CYC1: variants seen among roughly 807,000 people sequenced by gnomAD.
CYC1 encodes the protein cytochrome c1, heme protein, mitochondrial.
In CYC1, 10 loss-of-function variants were observed where a neutral mutation model predicts 33.8. The ratio of observed to expected loss-of-function variants is 0.30; its 90% CI spans 0.18 to 0.50. The LOEUF is 0.50. CYC1 is among the 20% of genes least tolerant of loss of function. The pLI is 0.98. For synonymous variants in CYC1, 224 were observed against 181.9 expected (o/e 1.23, Z -1.86); for missense variants, 459 against 437.6 (o/e 1.05, Z -0.44).
chr8:144,095,473 TG>T (rs1052512769), intron 1 of CYC1: 1 of 435,968 alleles, frequency 2.3e-6, no homozygotes, highest in African/African-American at 2.1e-5. Context: ...GTGGCGGGGC[TG>T]GGGCTTTCCC....
chr8:144,096,479 A>G lies in CYC1; in HGVS notation c.596A>G (p.Tyr199Cys). 6.2e-7 allele frequency: 1 copy of G among 1,614,138 alleles called. No individual in the cohort carries two copies. The highest frequency in any genetic ancestry group is 8.5e-7 in the Non-Finnish European group (1 of 1,180,014). Reference protein sequence around the residue: ...NNGALPPDLSYIVRARHGGED... With the variant: ...NNGALPPDLSCIVRARHGGED... Reference sequence around the variant, plus strand: ...GGAGCATTGCCCCCTGACCTCAGCTACATCGTGCGAGCTAGGTACACGGGC... The same window carrying G: ...GGAGCATTGCCCCCTGACCTCAGCTGCATCGTGCGAGCTAGGTACACGGGC... Residue 199 changes from tyrosine (Y) to cysteine (C), a missense_variant, in exon 4 of 7, where the codon TAC (tyrosine) becomes TGC (cysteine). Transcript: ENST00000318911.
chr8:144,095,671 G>C, intron 1 of CYC1, 162 bp from the exon 2 acceptor site: 1 of 720,712 alleles, frequency 1.4e-6, no homozygotes, highest in Non-Finnish European at 2.3e-6. Context: ...TCACGGTCTA[G>C]GGGTCAGCGG....
chr8:144,095,322 G>T (rs1476508977), intron 1 of CYC1, 94 bp downstream of exon 1: 2 of 1,088,812 alleles, frequency 1.8e-6, no homozygotes, highest in African/African-American at 1.6e-5. Context: ...GGGCAGCGCG[G>T]AAGCGGTACC....
In CYC1 at chr8:144,095,915, G is replaced by T; in HGVS notation, c.212G>T (p.Gly71Val). The T allele has an allele frequency of 6.2e-7, 1 of 1,609,386 alleles. No homozygotes were observed. Residue 71 changes from glycine to valine, a missense_variant, in exon 2 of 7, where the codon GGT (glycine) becomes GTT (valine). Physicochemically the swap from Gly to Val is moderately radical, Grantham distance 109. Transcript: ENST00000318911. ...GCGCTGGGCATGCTGGCGGCAGGGG[G>T]TGCGGGGCTGGCCATGGCTCTGCAT... is the stretch of plus-strand genomic sequence containing the variant. ...LSALGMLAAGGAGLAMALHSA... is the reference protein window; with the variant it reads ...LSALGMLAAGVAGLAMALHSA...
In CYC1 at chr8:144,095,826, C is replaced by A. The variant is rs1391055743; in HGVS notation, c.130-7C>A. The A allele has an allele frequency of 1.9e-6, 3 of 1,604,540 alleles. No homozygotes were observed. The highest frequency in any genetic ancestry group is 1.1e-5 in the South Asian group (1 of 90,926). ...GTCCTGGCAGGCGCTGAGCGGAGAT[C>A]TTGCAGGCAGTGGCCTTGTCGTCGA... On this transcript the variant is annotated splice_region_variant and splice_polypyrimidine_tract_variant and intron_variant, in intron 1 of 6. Coordinates refer to ENST00000318911, the MANE Select transcript of CYC1 (RefSeq NM_001916.5).
Position 144,097,500 on chromosome 8 carries a change from G to T in CYC1, c.*164G>T. The T allele has an allele frequency of 1.7e-6, 1 of 604,380 alleles. No individual in the cohort carries two copies. The highest frequency in any genetic ancestry group is 2.9e-6 in the Non-Finnish European group (1 of 340,088). The allele number at this position is 604,380 out of a possible 1,614,324, so 37.4% of individuals were successfully genotyped here. On this transcript the variant is annotated 3_prime_UTR_variant, in exon 7 of 7. Transcript: ENST00000318911. ...TGGGCCCTCCTTCAGCCCCCATCAT[G>T]GGAATAAATTAATTTTCTCAATGTA... is the stretch of plus-strand genomic sequence containing the variant.
Position 144,097,140 on chromosome 8 carries a change from A to C in CYC1, c.873+6A>C, listed in dbSNP as rs1178124751. The C allele has an allele frequency of 1.1e-5, 18 of 1,611,700 alleles. No homozygotes were observed. Among genetic ancestry groups the C allele is most frequent in the East Asian group, 2.2e-5 (1 of 44,858 alleles). On this transcript the variant is annotated splice_donor_region_variant and intron_variant, in intron 6 of 6. Transcript: ENST00000318911. The stretch of plus-strand genomic sequence containing the variant: ...GAAAACGCATGGGGCTCAAGGTAAA[A>C]GGGTTGGGAGGCCATGGTGGGTATC...
chr8:144,095,288 C>T, intron 1 of CYC1, 60 bp downstream of exon 1: 1 of 1,180,370 alleles, frequency 8.5e-7, no homozygotes, highest in Non-Finnish European at 1.1e-6. Flanking sequence ...AAGGTCACGG[C>T]GGGGAGGCTG....
Position 144,096,598 on chromosome 8 carries a change from A to G in CYC1, c.626A>G (p.Asp209Gly), listed in dbSNP as rs779074479. 1.2e-6 allele frequency: 2 copies of G among 1,613,894 alleles called. No individual in the cohort carries two copies. The highest frequency in any genetic ancestry group is 8.5e-7 in the Non-Finnish European group (1 of 1,179,954). ...YIVRARHGGE[D>G]YVFSLLTGYC... ...TCTGGTCCTAGGCATGGTGGTGAGG[A>G]CTACGTCTTCTCCCTGCTCACGGGC... The change falls in exon 5 of 7, where the codon GAC becomes GGC. Residue 209 changes from aspartate (D) to glycine (G), a missense_variant. Transcript: ENST00000318911.
intron 6 of CYC1, 40 bp downstream of exon 6, chr8:144,097,174 G>A (rs1587605933): frequency 2.5e-6 from 4 of 1,611,008 alleles, no homozygotes; most frequent in East Asian, 2.2e-5. Context: ...TCAGAGAAGG[G>A]CTGGGAGCTG....
chr8:144,097,235 TTGA>T lies in CYC1; in HGVS notation c.886_888del (p.Met296del), dbSNP rs753008933. ...TCTGAGCCTTCCTTGTCTGCAGATG[TTGA>T]TGATGATGGCTCTGCTGGTGCCCCT... On this transcript the variant is annotated inframe_deletion, in exon 7 of 7. Transcript: ENST00000318911. The T allele has an allele frequency of 5.6e-6, 9 of 1,614,104 alleles. No homozygotes were observed. The highest frequency in any genetic ancestry group is 3.3e-5 in the South Asian group (3 of 91,082).
chr8:144,095,441 T>C, intron 1 of CYC1: 1 of 421,510 alleles, frequency 2.4e-6, no homozygotes, highest in Non-Finnish European at 4.0e-6. Flanking sequence ...AGCGTGGGGG[T>C]TGGCGGGACG....
intron 5 of CYC1, 129 bp downstream of exon 5, chr8:144,096,873 C>T (rs1189921792): frequency 7.2e-6 from 9 of 1,254,434 alleles, no homozygotes; most frequent in Admixed American, 5.9e-5. Context: ...CTGTGCATGT[C>T]TCAGGAGGCT....
At position 144,095,940 on chromosome 8, in the gene CYC1, T is replaced by G. The variant is rs1485035033; in HGVS notation, c.237T>G (p.His79Gln). ...GTGCGGGGCTGGCCATGGCTCTGCA[T>G]TCGGCTGTGAGTGCCAGTGACCTGG... ...AGGAGLAMAL[H>Q]SAVSASDLEL... The change falls in exon 2 of 7, where the codon CAT becomes CAG. Residue 79 changes from histidine to glutamine, a missense_variant. Transcript: ENST00000318911. The G allele has an allele frequency of 6.2e-7, 1 of 1,608,618 alleles. No individual in the cohort carries two copies. The highest frequency in any genetic ancestry group is 1.1e-5 in the South Asian group (1 of 91,068).
In CYC1 at chr8:144,097,121, G is replaced by C; in HGVS notation, c.860G>C (p.Arg287Pro). The C allele has an allele frequency of 1.9e-6, 3 of 1,612,058 alleles. No homozygotes were observed. The highest frequency in any genetic ancestry group is 1.1e-5 in the South Asian group (1 of 90,680). The change falls in exon 6 of 7, where the codon CGC becomes CCC. Residue 287 changes from arginine (R) to proline (P), a missense_variant. By Grantham distance (103) the Arg-to-Pro change is moderately radical. Transcript: ENST00000318911. The part of the protein sequence containing the change: ...ASEPEHDHRK[R>P]MGLKMLMMMA... ...GAGCCAGAGCACGACCATCGAAAAC[G>C]CATGGGGCTCAAGGTAAAAGGGTTG...
Position 144,097,150 on chromosome 8 carries a change from G to A in CYC1, c.873+16G>A. Reference sequence around the variant, plus strand: ...GGGGCTCAAGGTAAAAGGGTTGGGAGGCCATGGTGGGTATCAGAGAAGGGC... The same window carrying A: ...GGGGCTCAAGGTAAAAGGGTTGGGAAGCCATGGTGGGTATCAGAGAAGGGC... On this transcript the variant is annotated intron_variant, in intron 6 of 6. Coordinates refer to ENST00000318911, the MANE Select transcript of CYC1 (RefSeq NM_001916.5). The A allele has an allele frequency of 6.2e-7, 1 of 1,611,512 alleles. No homozygotes were observed. The highest frequency in any genetic ancestry group is 8.5e-7 in the Non-Finnish European group (1 of 1,178,294).
Position 144,097,256 on chromosome 8 carries a change from G to T in CYC1, c.898G>T (p.Val300Leu). Residue 300 changes from valine to leucine, a missense_variant, in exon 7 of 7, where the codon GTG becomes TTG. Physicochemically the swap from Val to Leu is conservative, Grantham distance 32. Coordinates refer to ENST00000318911, the MANE Select transcript of CYC1 (RefSeq NM_001916.5). ...LKMLMMMALLVPLVYTIKRHK... is the reference protein window; with the variant it reads ...LKMLMMMALLLPLVYTIKRHK... ...GATGTTGATGATGATGGCTCTGCTG[G>T]TGCCCCTGGTCTACACCATAAAGCG... 1 of 1,614,138 alleles carries T rather than the reference G, an allele frequency of 6.2e-7. No homozygotes were observed. The highest frequency in any genetic ancestry group is 8.5e-7 in the Non-Finnish European group (1 of 1,180,022).
Position 144,096,036 on chromosome 8 carries a change from AGCTG to A in CYC1, c.326+22_326+25del, listed in dbSNP as rs748482749. 16 of 1,598,640 alleles carry A rather than the reference AGCTG, an allele frequency of 1.0e-5. No individual in the cohort carries two copies. Among genetic ancestry groups the A allele is most frequent in the East Asian group, 6.7e-5 (3 of 44,700 alleles). The stretch of plus-strand genomic sequence containing the variant: ...CTTCCTTGGACCACACCAGGTGTGC[AGCTG>A]GCTGGCTGGCTGGCAGCGGGAGGTT... On this transcript the variant is annotated splice_region_variant and intron_variant, in intron 2 of 6. Coordinates refer to ENST00000318911, the MANE Select transcript of CYC1 (RefSeq NM_001916.5).
intron 2 of CYC1, 41 bp downstream of exon 2, chr8:144,096,070 G>A (rs372218907): frequency 6.2e-7 from 1 of 1,603,558 alleles, no homozygotes; most frequent in East Asian, 2.2e-5. Context: ...GAGGTTCTGG[G>A]TGGAGCTGGT....
Sources: allele counts gnomAD v4.1 joint callset, GRCh38; gene constraint gnomAD v4.1.1; transcripts MANE v1.5; gene names NCBI Gene and HGNC (gene_info 2026-07-23, HGNC 2026-07-21).